The following WDFY4 variants were observed in gnomAD, a reference collection of about 807,000 sequenced individuals.
The protein encoded by WDFY4 is WD repeat- and FYVE domain-containing protein 4.
A neutral mutation model predicts 351.9 loss-of-function variants in WDFY4; 169 were observed. The ratio of observed to expected loss-of-function variants is 0.48; its 90% CI spans 0.42 to 0.55. The LOEUF (loss-of-function observed/expected upper bound fraction) is 0.55. WDFY4 is among the 20% of genes least tolerant of loss of function. WDFY4 has a pLI of 0.00. For synonymous variants in WDFY4, 1,622 were observed against 1,574.6 expected, an observed-to-expected ratio of 1.03 and a Z score of -0.71; for missense variants, 3,803 against 3,935.6, an observed-to-expected ratio of 0.97 and a Z score of 0.90.
intron 24 of WDFY4, among the ~76,000 whole-genome samples, chr10:48,800,025 A>G (rs2067009862): frequency 6.6e-6 from 1 of 152,074 alleles, no homozygotes; most frequent in Non-Finnish European, 1.5e-5. Context: ...AGCTGGGACT[A>G]TAGGCATGTG....
intron 18 of WDFY4, 120 bp downstream of exon 18, chr10:48,778,952 T>G: frequency 8.8e-7 from 1 of 1,139,856 alleles, no homozygotes; most frequent in Non-Finnish European, 1.2e-6. Flanking sequence ...CCTCATCCTT[T>G]GAAATTGCTC....
intron 6 of WDFY4, 80 bp downstream of exon 6, chr10:48,726,150 C>A: frequency 7.0e-7 from 1 of 1,438,158 alleles, no homozygotes; most frequent in Non-Finnish European, 9.3e-7. Context: ...TGAGGGCCCA[C>A]TTTCTACAAT....
At chr10:48,709,609 C>T (rs1400104614) in intron 1 of WDFY4, 107 bp from the exon 2 acceptor site, 1 of 954,482 alleles carries the variant, frequency 1.0e-6, no homozygotes. Flanking sequence ...TTAGGGGAAC[C>T]ATTTTCAATA....
Position 48,982,590 on chromosome 10 carries a change from C to G in WDFY4, c.*15C>G, listed in dbSNP as rs1257935876. On this transcript the variant is annotated 3_prime_UTR_variant, in exon 62 of 62. Transcript: ENST00000325239. ...CAGATGGGTAGGAAGAGAGAGGCAG[C>G]AGAGGCTCTGGCACAACAGTGCCAG... is the stretch of plus-strand genomic sequence containing the variant. The G allele has an allele frequency of 6.5e-7, 1 of 1,548,304 alleles. No individual in the cohort carries two copies. The highest frequency in any genetic ancestry group is 8.7e-7 in the Non-Finnish European group (1 of 1,144,924).
intron 43 of WDFY4, among the ~76,000 whole-genome samples, chr10:48,882,600 C>T (rs1314332382): frequency 2.6e-5 from 4 of 152,220 alleles, no homozygotes; most frequent in South Asian, 2.1e-4. Context: ...CTGACATCTG[C>T]TTTTGGTGAG....
chr10:48,888,680 G>A (rs7079270), intron 43 of WDFY4, among the ~76,000 whole-genome samples: 3 of 152,150 alleles, frequency 2.0e-5, no homozygotes, highest in Non-Finnish European at 4.4e-5. Context: ...ACCACTTTCT[G>A]TTCCCCAAAT....
Position 48,729,584 on chromosome 10 carries a change from C to A in WDFY4, c.1124C>A (p.Ala375Glu). ...QLEGFKFHHE[A>E]SGVTVKNLQA... ...GAAGGCTTCAAGTTCCATCATGAGGCATCTGGTGAGTCTTTCCTGTGTCTG... is the reference window on the plus strand; with the variant it reads ...GAAGGCTTCAAGTTCCATCATGAGGAATCTGGTGAGTCTTTCCTGTGTCTG... Residue 375 changes from alanine (A) to glutamate (E), a missense_variant, in exon 8 of 62, where the codon GCA (alanine) becomes GAA (glutamate). Around this residue, in one of 3 missense-constraint regions of WDFY4, gnomAD observed 488 missense variants for 456.8 expected, o/e 1.07. Coordinates refer to ENST00000325239, the MANE Select transcript of WDFY4 (RefSeq NM_001394531.1). The A allele has an allele frequency of 1.9e-6, 3 of 1,551,630 alleles. No individual in the cohort carries two copies. The highest frequency in any genetic ancestry group is 2.6e-6 in the Non-Finnish European group (3 of 1,146,938).
chr10:48,706,129 CT>C (rs1246127605), intron 1 of WDFY4, among the ~76,000 whole-genome samples: 1 of 152,150 alleles, frequency 6.6e-6, no homozygotes, highest in African/African-American at 2.4e-5. Context: ...AAAGAGGGGT[CT>C]AGGCGAGAGA....
chr10:48,740,521 A>C (rs376602688), intron 11 of WDFY4, among the ~76,000 whole-genome samples: 27 of 152,314 alleles, frequency 1.8e-4, no homozygotes, highest in African/African-American at 6.0e-4. Context: ...TGCCCAACTT[A>C]AGCCATGAGC....
At chr10:48,705,353 T>G (rs540539279) in intron 1 of WDFY4, among the ~76,000 whole-genome samples, 1 of 152,160 alleles carries the variant, frequency 6.6e-6, no homozygotes, top group Admixed American at 6.5e-5. Flanking sequence ...AGGAGGTGAG[T>G]GCCTCCTTCA....
At chr10:48,818,812 A>T (rs546327207) in intron 32 of WDFY4, among the ~76,000 whole-genome samples, 2 of 152,380 alleles carry the variant, frequency 1.3e-5, no homozygotes, top group East Asian at 3.9e-4. Flanking sequence ...AAGTAAGATA[A>T]AAAAGCAAAC....
At chr10:48,806,159 A>G (rs1231838474) in intron 27 of WDFY4, 64 bp downstream of exon 27, 36 of 1,491,812 alleles carry the variant, frequency 2.4e-5, no homozygotes, top group Non-Finnish European at 3.3e-5. Flanking sequence ...TGAGAGGCCC[A>G]CATTGTGCAG....
rs757253659 is a variant in WDFY4, at chr10:48,776,847, G to A, written c.2961G>A (p.Gly987=). Residue 987 remains glycine, a synonymous_variant, in exon 16 of 62, where the codon GGG becomes GGA. Coordinates refer to ENST00000325239, the MANE Select transcript of WDFY4 (RefSeq NM_001394531.1). ...TCACACAGGCCCCGCAGCCCTTGGG[G>A]GAATCCCAGGATTCAACTACTGCTC... ...PGVTQAPQPL[G]ESQDSTTALQ... is the part of the protein sequence containing the mutation. 3 of 1,551,740 alleles carry A rather than the reference G, an allele frequency of 1.9e-6. No individual in the cohort carries two copies. Among genetic ancestry groups the A allele is most frequent in the South Asian group, 2.4e-5 (2 of 84,060 alleles).
chr10:48,775,883 C>T, intron 15 of WDFY4, 77 bp downstream of exon 15: 1 of 1,341,384 alleles, frequency 7.5e-7, no homozygotes, highest in South Asian at 1.3e-5. Flanking sequence ...GGATCCTTTA[C>T]AACAGGTGGG....
intron 28 of WDFY4, among the ~76,000 whole-genome samples, chr10:48,810,120 T>C (rs2928402): frequency 0.27 from 41,717 of 152,122 alleles, 9,051 homozygotes; most frequent in African/African-American, 0.61. Context: ...AAATTTTGAC[T>C]AGTGTCTTTA....
At chr10:48,790,688 T>C (rs2066648825) in intron 22 of WDFY4, 39 bp from the exon 23 acceptor site, 1 of 1,541,382 alleles carries the variant, frequency 6.5e-7, no homozygotes, top group Non-Finnish European at 8.8e-7. Context: ...GCAATGAAGC[T>C]GTGACATGTT....
rs1420015504 is a variant in WDFY4, at chr10:48,897,444, T to C, written c.7317-10T>C. The C allele has an allele frequency of 6.4e-7, 1 of 1,550,576 alleles. No individual in the cohort carries two copies. The highest frequency in any genetic ancestry group is 2.0e-5 in the Admixed American group (1 of 50,994). On this transcript the variant is annotated splice_polypyrimidine_tract_variant and intron_variant, in intron 44 of 61. Coordinates refer to ENST00000325239, the MANE Select transcript of WDFY4 (RefSeq NM_001394531.1). Reference sequence around the variant, plus strand: ...TGAACATGTGCCCTGCATGCCTGTTTCCTTTTCAGCATCAGCGATCCGTTC... The same window carrying C: ...TGAACATGTGCCCTGCATGCCTGTTCCCTTTTCAGCATCAGCGATCCGTTC...
chr10:48,833,172 T>TGTGAGA (rs372781295), intron 39 of WDFY4, among the ~76,000 whole-genome samples: 10 of 135,900 alleles, frequency 7.4e-5, no homozygotes, highest in East Asian at 7.0e-4. Flanking sequence ...TGTGTGTGTG[T>TGTGAGA]GAGAGAGAGA....
At chr10:48,767,838 G>A (rs575997304) in intron 13 of WDFY4, among the ~76,000 whole-genome samples, 2 of 152,272 alleles carry the variant, frequency 1.3e-5, no homozygotes, top group South Asian at 4.1e-4. Context: ...CACCTTTTGG[G>A]GGTGGGTGAG....
Sources: allele counts gnomAD v4.1 joint callset (sites outside exome capture counted in the v4.1 genomes callset), GRCh38; gene constraint gnomAD v4.1.1; regional missense constraint gnomAD v4.1.1; transcripts MANE v1.5; gene names NCBI Gene and HGNC (gene_info 2026-07-23, HGNC 2026-07-21).